XKR4: variants seen among roughly 807,000 people sequenced by gnomAD.
XKR4 encodes XK related 4, also known as XK-related protein 4.
In XKR4, 12 loss-of-function variants were observed where a neutral mutation model predicts 53.9. That is an observed-to-expected ratio of 0.22 (90% CI 0.14 to 0.36). The LOEUF is 0.36. Ranked by LOEUF, XKR4 falls within the 10% of genes least tolerant of loss-of-function variation. The probability of loss-of-function intolerance (pLI) is 1.00; values close to 1 mark genes in which losing one functional copy is unlikely to be tolerated. For missense variants in XKR4, 799 were observed against 859.5 expected (o/e 0.93, Z 0.88); for synonymous variants, 354 against 362.4 (o/e 0.98, Z 0.26).
chr8:55,246,223 C>T (rs1000529367), intron 1 of XKR4, among the ~76,000 whole-genome samples: 1 of 152,166 alleles, frequency 6.6e-6, no homozygotes, highest in African/African-American at 2.4e-5. Context: ...GAAGAAATCA[C>T]AAGGGTCTGA....
chr8:55,361,238 C>A (rs999464605), intron 2 of XKR4, among the ~76,000 whole-genome samples: 1 of 152,090 alleles, frequency 6.6e-6, no homozygotes, highest in Non-Finnish European at 1.5e-5. Context: ...CAATCCCAAT[C>A]CCTTATCCTC....
At chr8:55,427,326 G>A (rs764560750) in intron 2 of XKR4, among the ~76,000 whole-genome samples, 1 of 152,126 alleles carries the variant, frequency 6.6e-6, no homozygotes, top group Admixed American at 6.6e-5. Context: ...AGCTGGGTGA[G>A]TATGTCAAAG....
At chr8:55,459,840 G>A (rs999192546) in intron 2 of XKR4, among the ~76,000 whole-genome samples, 2 of 152,126 alleles carry the variant, frequency 1.3e-5, no homozygotes, top group East Asian at 3.8e-4. Context: ...AAATGGTACA[G>A]TCACTTTAGA....
chr8:55,238,580 C>T (rs1030820169), intron 1 of XKR4, among the ~76,000 whole-genome samples: 1 of 152,166 alleles, frequency 6.6e-6, no homozygotes, highest in East Asian at 1.9e-4. Flanking sequence ...TGGAGTTACA[C>T]ATACCATTTT....
intron 2 of XKR4, among the ~76,000 whole-genome samples, chr8:55,423,182 A>G (rs1247076048): frequency 6.6e-6 from 1 of 151,228 alleles, no homozygotes; most frequent in Non-Finnish European, 1.5e-5. Flanking sequence ...TGCAACCTCT[A>G]CCTCCCAGGT....
chr8:55,136,753 T>TA (rs1816636438), intron 1 of XKR4, among the ~76,000 whole-genome samples: 2 of 152,276 alleles, frequency 1.3e-5, no homozygotes, highest in South Asian at 2.1e-4. Flanking sequence ...ATGGTAGATA[T>TA]AAAAAAAGTG....
intron 1 of XKR4, among the ~76,000 whole-genome samples, chr8:55,342,009 C>T (rs1563328386): frequency 6.6e-6 from 1 of 152,098 alleles, no homozygotes; most frequent in Non-Finnish European, 1.5e-5. Flanking sequence ...AATTCCAATG[C>T]ATGCATCCAA....
intron 1 of XKR4, among the ~76,000 whole-genome samples, chr8:55,354,824 T>C (rs1417343925): frequency 6.6e-6 from 1 of 150,992 alleles, no homozygotes; most frequent in Non-Finnish European, 1.5e-5. Context: ...AAATCAGAAT[T>C]AGAAAAATTC....
chr8:55,407,318 C>A (rs1055948034), intron 2 of XKR4, among the ~76,000 whole-genome samples: 5 of 152,116 alleles, frequency 3.3e-5, no homozygotes, highest in African/African-American at 1.2e-4. Context: ...GCACTGCTTC[C>A]CAGGAATCAC....
intron 1 of XKR4, among the ~76,000 whole-genome samples, chr8:55,180,976 T>C (rs2129359737): frequency 6.6e-6 from 1 of 152,354 alleles, no homozygotes; most frequent in South Asian, 2.1e-4. Context: ...GAATGAATGA[T>C]GCCAATGATG....
At chr8:55,356,985 G>GAATACAGT (rs1476816388) in intron 1 of XKR4, among the ~76,000 whole-genome samples, 1 of 151,984 alleles carries the variant, frequency 6.6e-6, no homozygotes, top group Non-Finnish European at 1.5e-5. Context: ...TTTATTATAG[G>GAATACAGT]AATACAGTAT....
chr8:55,326,352 T>C (rs149991232), intron 1 of XKR4, among the ~76,000 whole-genome samples: 120 of 152,318 alleles, frequency 7.9e-4, no homozygotes, highest in Non-Finnish European at 1.4e-3. Flanking sequence ...TGTTGTTTTA[T>C]CTTGCAGATG....
chr8:55,384,592 G>A (rs77267019), intron 2 of XKR4, among the ~76,000 whole-genome samples: 2,046 of 152,284 alleles, frequency 0.013, 20 homozygotes, highest in Middle Eastern at 0.027. Context: ...GTTTTTAACC[G>A]AATCATTGGC....
At chr8:55,227,021 CTCTCAT>C (rs971903416) in intron 1 of XKR4, among the ~76,000 whole-genome samples, 19 of 152,178 alleles carry the variant, frequency 1.2e-4, no homozygotes, top group Non-Finnish European at 7.4e-5. Flanking sequence ...CCCAGGCATG[CTCTCAT>C]TCAAGAAGTC....
At chr8:55,161,814 T>A (rs1816990745) in intron 1 of XKR4, among the ~76,000 whole-genome samples, 2 of 152,232 alleles carry the variant, frequency 1.3e-5, no homozygotes, top group South Asian at 4.1e-4. Flanking sequence ...AAGTTAAGTA[T>A]CTGAGGTCTT....
At chr8:55,293,340 T>C (rs1195934596) in intron 1 of XKR4, among the ~76,000 whole-genome samples, 1 of 151,882 alleles carries the variant, frequency 6.6e-6, no homozygotes, top group African/African-American at 2.4e-5. Flanking sequence ...AAAAATAAAA[T>C]AAAGTAAAAT....
chr8:55,480,589 T>C (rs1462857843), intron 2 of XKR4, among the ~76,000 whole-genome samples: 5 of 151,910 alleles, frequency 3.3e-5, no homozygotes, highest in Admixed American at 6.6e-5. Flanking sequence ...GGGTATTCAA[T>C]TAGGAAAAGA....
At chr8:55,507,203 A>G (rs1326819143) in intron 2 of XKR4, among the ~76,000 whole-genome samples, 1 of 152,224 alleles carries the variant, frequency 6.6e-6, no homozygotes, top group Non-Finnish European at 1.5e-5. Context: ...TACTAACCCC[A>G]AAAGTCTGAG....
At chr8:55,151,541 A>T (rs181109338) in intron 1 of XKR4, among the ~76,000 whole-genome samples, 2 of 152,348 alleles carry the variant, frequency 1.3e-5, no homozygotes, top group Admixed American at 1.3e-4. Context: ...GACAAAAAAT[A>T]GATTATCATA....
Sources: gnomAD v4.1 joint callset for allele counts (sites outside exome capture counted in the v4.1 genomes callset) on GRCh38, gnomAD v4.1.1 for gene constraint, MANE v1.5 for transcripts, NCBI Gene and HGNC (gene_info 2026-07-23, HGNC 2026-07-21) for gene names.